Variants in TENM2 observed in about 807,000 individuals in gnomAD.
The protein encoded by TENM2 is teneurin-2.
In TENM2, 52 loss-of-function variants were observed where a neutral mutation model predicts 245.2. The ratio of observed to expected loss-of-function variants is 0.21; its 90% CI spans 0.17 to 0.27. The LOEUF (loss-of-function observed/expected upper bound fraction) is 0.27, where lower values mean the gene tolerates loss of function less well. TENM2 is among the 10% of genes least tolerant of loss of function. The pLI, the probability that TENM2 is intolerant of heterozygous loss-of-function variation, is 1.00. For missense variants in TENM2, 3,046 were observed against 3,666.8 expected (o/e 0.83, Z 4.37); for synonymous variants, 1,363 against 1,438.9 (o/e 0.95, Z 1.19).
At chr5:167,646,228 T>TATA (rs1561634301) in intron 2 of TENM2, among the ~76,000 whole-genome samples, 1 of 140,288 alleles carries the variant, frequency 7.1e-6, no homozygotes, top group Non-Finnish European at 1.5e-5. Flanking sequence ...TATATATATA[T>TATA]ATGTTGTTTT....
the TENM2 span, among the ~76,000 whole-genome samples, chr5:167,111,633 G>C: frequency 6.6e-6 from 1 of 152,144 alleles, no homozygotes; most frequent in Non-Finnish European, 1.5e-5. Flanking sequence ...CGTATACACA[G>C]TTCACACTCC....
At chr5:167,868,610 G>A (rs952232818) in intron 2 of TENM2, among the ~76,000 whole-genome samples, 1 of 151,668 alleles carries the variant, frequency 6.6e-6, no homozygotes, top group African/African-American at 2.4e-5. Context: ...GATGGTGCGT[G>A]CCTGTAATCC....
At chr5:167,465,342 C>T (rs958567191) in intron 2 of TENM2, among the ~76,000 whole-genome samples, 3 of 152,166 alleles carry the variant, frequency 2.0e-5, no homozygotes, top group African/African-American at 7.2e-5. Flanking sequence ...ACAGCTCACA[C>T]ACTCTCTCGA....
intron 1 of TENM2, among the ~76,000 whole-genome samples, chr5:167,317,550 C>T (rs1029216418): frequency 9.2e-5 from 14 of 152,134 alleles, no homozygotes; most frequent in African/African-American, 2.4e-4. Flanking sequence ...TTGTGCTCAA[C>T]GGAAATTTTC....
intron 3 of TENM2, among the ~76,000 whole-genome samples, chr5:167,896,136 A>G (rs1027495397): frequency 7.9e-5 from 12 of 152,204 alleles, no homozygotes; most frequent in Admixed American, 2.0e-4. Context: ...GGCCCTCCCC[A>G]CCTGGGCTAG....
intron 4 of TENM2, among the ~76,000 whole-genome samples, chr5:167,964,302 C>T (rs1300691211): frequency 5.3e-5 from 8 of 152,150 alleles, no homozygotes; most frequent in African/African-American, 9.7e-5. Flanking sequence ...CTGAAGCAAG[C>T]GTCTCTCTTT....
At chr5:168,114,573 G>A (rs1285500030) in intron 9 of TENM2, among the ~76,000 whole-genome samples, 2 of 152,142 alleles carry the variant, frequency 1.3e-5, no homozygotes, top group African/African-American at 4.8e-5. Context: ...GAGGGAAGGT[G>A]CTCTCCAATG....
chr5:167,465,234 T>C (rs1418288441), intron 2 of TENM2, among the ~76,000 whole-genome samples: 2 of 152,238 alleles, frequency 1.3e-5, no homozygotes, highest in Non-Finnish European at 2.9e-5. Flanking sequence ...TATTTAAGCA[T>C]TCTAATATGG....
rs550990270 is a variant in TENM2, at chr5:168,015,891, A to C, written c.1186+22709A>C. 2.6e-5 allele frequency among the ~76,000 whole-genome samples: 4 copies of C among 152,316 alleles called. No homozygotes were observed. The South Asian group carries it at 8.3e-4, about 32-fold the overall frequency. ...TCCCTCGTTTAATTCTCTCCGTAAGAAGAATTGTCCCCATTTGGCAGATGG... is the reference window on the plus strand; with the variant it reads ...TCCCTCGTTTAATTCTCTCCGTAAGCAGAATTGTCCCCATTTGGCAGATGG... On this transcript the variant is annotated intron_variant, in intron 5 of 28. Coordinates refer to ENST00000518659, the Ensembl canonical transcript of TENM2.
At chr5:167,726,814 C>T (rs890830897) in intron 2 of TENM2, among the ~76,000 whole-genome samples, 8 of 152,146 alleles carry the variant, frequency 5.3e-5, no homozygotes, top group African/African-American at 1.4e-4. Context: ...ATGCCCAAAC[C>T]GTTGCTTTCA....
chr5:167,571,035 G>A (rs547167168), intron 2 of TENM2, among the ~76,000 whole-genome samples: 186 of 152,232 alleles, frequency 1.2e-3, no homozygotes, highest in Non-Finnish European at 1.8e-3. Flanking sequence ...TTGTAAAGAG[G>A]GTCAGAGTGG....
chr5:166,985,795 C>T, the TENM2 span, among the ~76,000 whole-genome samples: 1 of 151,998 alleles, frequency 6.6e-6, no homozygotes, highest in Non-Finnish European at 1.5e-5. Context: ...AAAAAGGATC[C>T]TTTCTCATTC....
intron 2 of TENM2, chr5:167,754,993 G>A: frequency 6.4e-7 from 1 of 1,567,770 alleles, no homozygotes; most frequent in South Asian, 1.1e-5. Flanking sequence ...GACTGCTGGT[G>A]ATTTTTCTGT....
intron 1 of TENM2, among the ~76,000 whole-genome samples, chr5:167,332,532 C>T (rs1004672305): frequency 2.0e-5 from 3 of 152,068 alleles, no homozygotes; most frequent in East Asian, 1.9e-4. Context: ...GGGGAAGGGT[C>T]GGAAGATGCA....
At chr5:168,227,938 G>A (rs1266971113) in exon 25 of TENM2, 5 of 1,613,278 alleles carry the variant, frequency 3.1e-6, no homozygotes, top group Non-Finnish European at 3.4e-6. Context: ...ATGGTACCCT[G>A]AGGGTGATGT....
At chr5:167,431,961 G>GTATATATATATATATACACACA (rs1764270791) in intron 2 of TENM2, among the ~76,000 whole-genome samples, 1 of 43,598 alleles carries the variant, frequency 2.3e-5, no homozygotes, top group African/African-American at 5.1e-5. Context: ...ATATATATAT[G>GTATATATATATATATACACACA]TATATATATA....
chr5:167,393,699 T>G (rs909002962), intron 2 of TENM2, among the ~76,000 whole-genome samples: 1 of 152,166 alleles, frequency 6.6e-6, no homozygotes, highest in African/African-American at 2.4e-5. Flanking sequence ...AAGAATGTCA[T>G]GATCTGACTT....
chr5:168,191,932 G>A (rs1189339271), intron 14 of TENM2, among the ~76,000 whole-genome samples: 1 of 151,982 alleles, frequency 6.6e-6, no homozygotes, highest in Non-Finnish European at 1.5e-5. Context: ...TTGAATATGA[G>A]TGTCTTAACA....
the TENM2 span, among the ~76,000 whole-genome samples, chr5:167,170,260 C>A: frequency 6.6e-6 from 1 of 152,332 alleles, no homozygotes; most frequent in South Asian, 2.1e-4. Flanking sequence ...GCTGTTACCT[C>A]TATTCTAACC....
Sources: gnomAD v4.1 joint callset for allele counts (sites outside exome capture counted in the v4.1 genomes callset) on GRCh38, gnomAD v4.1.1 for gene constraint, MANE v1.5 for transcripts, NCBI Gene and HGNC (gene_info 2026-07-23, HGNC 2026-07-21) for gene names.